The following PFKFB3 variants were observed in gnomAD, a reference collection of about 807,000 sequenced individuals.
The protein encoded by PFKFB3 is 6-phosphofructo-2-kinase/fructose-2,6-bisphosphatase 3.
A neutral mutation model predicts 68.0 loss-of-function variants in PFKFB3; 33 were observed. The ratio of observed to expected loss-of-function variants is 0.49; its 90% CI spans 0.37 to 0.65. PFKFB3 has a LOEUF of 0.65. Among genes scored for constraint, PFKFB3 ranks in the 30% least tolerant of loss-of-function variants. The probability of loss-of-function intolerance (pLI) is 0.00; values close to 1 mark genes in which losing one functional copy is unlikely to be tolerated. For synonymous variants in PFKFB3, 315 were observed against 288.2 expected, an observed-to-expected ratio of 1.09 and a Z score of -0.94; for missense variants, 586 against 712.2, an observed-to-expected ratio of 0.82 and a Z score of 2.02.
downstream of PFKFB3, among the ~76,000 whole-genome samples, chr10:6,237,374 C>T (rs1846038291): frequency 6.6e-6 from 1 of 152,160 alleles, no homozygotes; most frequent in Admixed American, 6.5e-5. Flanking sequence ...GGGAGAAGAC[C>T]CAGATGATGT....
At chr10:6,190,640 A>AAAAAAC (rs1014112026) in intron 1 of PFKFB3, among the ~76,000 whole-genome samples, 8 of 152,172 alleles carry the variant, frequency 5.3e-5, no homozygotes, top group Non-Finnish European at 8.8e-5. Flanking sequence ...CATCCCTACA[A>AAAAAAC]AAAAACAAAA....
At chr10:6,325,600 T>C in the PFKFB3 span, among the ~76,000 whole-genome samples, 4 of 152,220 alleles carry the variant, frequency 2.6e-5, no homozygotes, top group African/African-American at 9.6e-5. Flanking sequence ...TTGCCTTTCA[T>C]GGAGACAAAA....
chr10:6,236,421 G>A (rs78414178), downstream of PFKFB3, among the ~76,000 whole-genome samples: 2 of 152,166 alleles, frequency 1.3e-5, no homozygotes, highest in Non-Finnish European at 2.9e-5. Flanking sequence ...GTCTTGCTTG[G>A]TCTGATTTTT....
chr10:6,216,690 T>C lies in PFKFB3; in HGVS notation c.367-16T>C, dbSNP rs751357303. ...AACTTAGAGTTTTCTTCCTGGCCCT[T>C]TGCTCTCCATATCAGGTTTTCGATG... On this transcript the variant is annotated splice_polypyrimidine_tract_variant and intron_variant, in intron 4 of 14. Coordinates refer to ENST00000379775, the MANE Select transcript of PFKFB3 (RefSeq NM_004566.4). 2.5e-6 allele frequency: 4 copies of C among 1,573,116 alleles called. No homozygotes were observed. Among genetic ancestry groups the C allele is most frequent in the Admixed American group, 1.7e-5 (1 of 59,852 alleles).
At chr10:6,238,507 T>C (rs1370044079), downstream of PFKFB3, among the ~76,000 whole-genome samples, 1 of 142,796 alleles carries the variant, frequency 7.0e-6, no homozygotes, top group Non-Finnish European at 1.5e-5. Flanking sequence ...AAAAAAGATG[T>C]GAAGGAATGC....
At chr10:6,303,933 C>A in the PFKFB3 span, among the ~76,000 whole-genome samples, 1 of 152,072 alleles carries the variant, frequency 6.6e-6, no homozygotes, top group East Asian at 1.9e-4. Flanking sequence ...CATGGATGCA[C>A]CCCACAGTCT....
intron 1 of PFKFB3, among the ~76,000 whole-genome samples, chr10:6,165,169 A>AGG (rs1842091976): frequency 6.6e-6 from 1 of 152,194 alleles, no homozygotes; most frequent in Admixed American, 6.5e-5. Flanking sequence ...AGCCTTCTGC[A>AGG]GTGCATGGTG....
intron 14 of PFKFB3, among the ~76,000 whole-genome samples, chr10:6,247,395 A>G (rs972615913): frequency 4.8e-5 from 7 of 145,568 alleles, no homozygotes; most frequent in African/African-American, 2.0e-4. Flanking sequence ...GGACTCTAAC[A>G]ATTAGCCTTC....
At chr10:6,151,995 C>A (rs1278050927) in intron 1 of PFKFB3, among the ~76,000 whole-genome samples, 3 of 151,038 alleles carry the variant, frequency 2.0e-5, no homozygotes, top group South Asian at 4.2e-4. Context: ...AAACCTGATG[C>A]CCCAGAAATT....
At chr10:6,259,173 TC>T (rs1163546150), downstream of PFKFB3, among the ~76,000 whole-genome samples, 2 of 119,874 alleles carry the variant, frequency 1.7e-5, no homozygotes, top group Non-Finnish European at 3.6e-5. Flanking sequence ...TATTCATTCA[TC>T]CCATCCATCT....
chr10:6,197,015 T>C (rs1280803642), intron 1 of PFKFB3, among the ~76,000 whole-genome samples: 1 of 151,848 alleles, frequency 6.6e-6, no homozygotes, highest in African/African-American at 2.4e-5. Context: ...GACAGAGTCT[T>C]GCTCTGTCCC....
downstream of PFKFB3, among the ~76,000 whole-genome samples, chr10:6,236,359 C>T (rs954197092): frequency 1.3e-5 from 2 of 152,218 alleles, no homozygotes; most frequent in Admixed American, 6.5e-5. Flanking sequence ...AAACACCATG[C>T]GTGGAGGAAG....
chr10:6,233,206 AG>A lies in PFKFB3; in HGVS notation c.*265del. On this transcript the variant is annotated 3_prime_UTR_variant, in exon 15 of 15. Transcript: ENST00000379775. ...CTCTCTGGGTTTCCTAGGAATGTCC[AG>A]CCTCGGAGACCTTCACAAAGCCTTG... 2.1e-6 allele frequency: 1 copy of A among 472,256 alleles called. No homozygotes were observed. The highest frequency in any genetic ancestry group is 3.8e-6 in the Non-Finnish European group (1 of 260,924). The allele number at this position is 472,256 out of a possible 1,614,324, so 29.3% of individuals were successfully genotyped here.
chr10:6,295,516 G>A, the PFKFB3 span, among the ~76,000 whole-genome samples: 7 of 138,524 alleles, frequency 5.1e-5, no homozygotes, highest in African/African-American at 1.3e-4. Context: ...GTGAACCACC[G>A]CACCCAGCCA....
At chr10:6,275,442 G>C in the PFKFB3 span, among the ~76,000 whole-genome samples, 1 of 152,238 alleles carries the variant, frequency 6.6e-6, no homozygotes, top group Non-Finnish European at 1.5e-5. The surrounding 1 kb of genome is among the most constrained non-coding windows in gnomAD (Gnocchi z 4.9). Context: ...TGCATGCCGG[G>C]AACGCTGTCC....
intron 14 of PFKFB3, among the ~76,000 whole-genome samples, chr10:6,247,754 A>G (rs911181983): frequency 2.0e-5 from 3 of 152,320 alleles, no homozygotes; most frequent in Non-Finnish European, 4.4e-5. Flanking sequence ...GGTGTCTCAT[A>G]TGAACTTGAT....
chr10:6,175,017 T>C (rs1842422005), intron 1 of PFKFB3, among the ~76,000 whole-genome samples: 1 of 152,116 alleles, frequency 6.6e-6, no homozygotes, highest in Non-Finnish European at 1.5e-5. Context: ...GGTTTCACCA[T>C]GTTGGCCAGG....
chr10:6,313,465 C>T, the PFKFB3 span, among the ~76,000 whole-genome samples: 1 of 152,226 alleles, frequency 6.6e-6, no homozygotes, highest in Non-Finnish European at 1.5e-5. This position sits in a 1 kb window ranked among gnomAD's most constrained non-coding sequence, Gnocchi z 4.2. Context: ...TCCTGCCGAG[C>T]TGCTGTTCCT....
chr10:6,308,923 A>G, the PFKFB3 span, among the ~76,000 whole-genome samples: 1 of 152,264 alleles, frequency 6.6e-6, no homozygotes, highest in Non-Finnish European at 1.5e-5. Context: ...TATGAGACAC[A>G]CAAAGAATAG....
Sources: gnomAD v4.1 joint callset for allele counts (sites outside exome capture counted in the v4.1 genomes callset) on GRCh38, gnomAD v4.1.1 for gene constraint, Gnocchi (gnomAD v3.1) non-coding constraint, MANE v1.5 for transcripts, NCBI Gene and HGNC (gene_info 2026-07-23, HGNC 2026-07-21) for gene names.